The following VPS8 variants were observed in gnomAD, a reference collection of about 807,000 sequenced individuals.
VPS8 encodes the protein VPS8 subunit of CORVET complex.
Under a neutral mutation model 216.4 loss-of-function variants are expected in VPS8, and 129 were observed. The ratio of observed to expected loss-of-function variants is 0.60; its 90% CI spans 0.52 to 0.69. VPS8 has a LOEUF of 0.69. Among genes scored for constraint, VPS8 ranks in the 30% least tolerant of loss-of-function variants. VPS8 has a pLI of 0.00. For missense variants in VPS8, 1,531 were observed against 1,683.5 expected (o/e 0.91, Z 1.59); for synonymous variants, 571 against 565.4 (o/e 1.01, Z -0.14).
chr3:184,962,724 A>AGTGT (rs10562348), intron 37 of VPS8, among the ~76,000 whole-genome samples: 2,505 of 145,828 alleles, frequency 0.017, 62 homozygotes, highest in African/African-American at 0.061. Flanking sequence ...TTAAGGCTTA[A>AGTGT]GTGTGTGTGT....
intron 37 of VPS8, among the ~76,000 whole-genome samples, chr3:184,958,601 A>G (rs1419702827): frequency 1.3e-5 from 2 of 152,220 alleles, no homozygotes; most frequent in African/African-American, 2.4e-5. Flanking sequence ...TGATTCCTCC[A>G]AAGTTAATAT....
At chr3:184,908,017 C>T (rs1243173468) in intron 25 of VPS8, among the ~76,000 whole-genome samples, 3 of 152,276 alleles carry the variant, frequency 2.0e-5, no homozygotes, top group Middle Eastern at 3.4e-3. Flanking sequence ...GCAGATCTCC[C>T]GTTCTCCAGT....
chr3:184,917,550 C>G (rs147693886), intron 28 of VPS8, among the ~76,000 whole-genome samples: 1,534 of 152,230 alleles, frequency 0.01, 27 homozygotes, highest in African/African-American at 0.031. Flanking sequence ...CTGCCTCAGC[C>G]TCCCCAGTAG....
chr3:184,941,172 GT>G (rs1742616457), intron 36 of VPS8, among the ~76,000 whole-genome samples: 1 of 150,086 alleles, frequency 6.7e-6, no homozygotes, highest in African/African-American at 2.4e-5. Flanking sequence ...TTATTTCCGT[GT>G]TCTGTGAGAT....
intron 28 of VPS8, among the ~76,000 whole-genome samples, chr3:184,917,209 C>T (rs933968291): frequency 2.6e-5 from 4 of 152,058 alleles, no homozygotes; most frequent in African/African-American, 9.7e-5. Flanking sequence ...TAGGAAAAAA[C>T]ATTGTAGGCA....
At chr3:184,889,776 C>G (rs1331085320) in intron 22 of VPS8, among the ~76,000 whole-genome samples, 1 of 152,094 alleles carries the variant, frequency 6.6e-6, no homozygotes, top group African/African-American at 2.4e-5. Context: ...CTGTGTTGTG[C>G]TTGTTTGCTT....
chr3:184,904,181 T>C (rs1012152808), intron 25 of VPS8, among the ~76,000 whole-genome samples: 4 of 152,192 alleles, frequency 2.6e-5, no homozygotes. Flanking sequence ...CAAATAAAAA[T>C]AATTATAATT....
chr3:184,849,581 T>A (rs2108649432), intron 9 of VPS8: 1 of 267,132 alleles, frequency 3.7e-6, no homozygotes, highest in Admixed American at 5.1e-5. Flanking sequence ...AGATTATGGT[T>A]TTTTTATCTT....
chr3:185,014,424 G>A (rs1453479656), intron 45 of VPS8, among the ~76,000 whole-genome samples: 1 of 152,146 alleles, frequency 6.6e-6, no homozygotes, highest in Non-Finnish European at 1.5e-5. Flanking sequence ...TAAGGTTTCA[G>A]GTGTCTTGAT....
At chr3:184,941,447 T>A (rs1742681538) in intron 36 of VPS8, among the ~76,000 whole-genome samples, 1 of 151,074 alleles carries the variant, frequency 6.6e-6, no homozygotes, top group Admixed American at 6.6e-5. Flanking sequence ...TAAATTCCTA[T>A]TAATCATGTG....
intron 24 of VPS8, 32 bp downstream of exon 24, chr3:184,898,686 A>G (rs375065725): frequency 8.8e-6 from 13 of 1,475,626 alleles, no homozygotes; most frequent in East Asian, 2.5e-5. Flanking sequence ...ATACGTAATT[A>G]ATTTTGTCTA....
chr3:184,929,659 C>T lies in VPS8; in HGVS notation c.2794C>T (p.Arg932Ter), dbSNP rs1740342140. Residue 932 changes from arginine (R) to a stop codon, truncating the protein, a stop_gained, in exon 33 of 48, where the codon CGA becomes TGA. Transcript: ENST00000625842. LOFTEE classifies it high-confidence loss of function. ...IIDCYLRDPL[R>*]EEEVFNYIHN... ...TGATTGCTACTTACGTGACCCTCTGCGAGAGGTGAGTCAAGATACTGCTTT... is the reference window on the plus strand; with the variant it reads ...TGATTGCTACTTACGTGACCCTCTGTGAGAGGTGAGTCAAGATACTGCTTT... The T allele has an allele frequency of 7.3e-6, 11 of 1,502,226 alleles. No homozygotes were observed. Among genetic ancestry groups the T allele is most frequent in the East Asian group, 2.6e-5 (1 of 38,976 alleles). 93.1% of individuals were successfully genotyped at this position (1,502,226 alleles called of 1,614,324 possible). A position where few individuals can be genotyped will look rare whatever the true frequency, so the allele number is the denominator to read the frequency against.
intron 46 of VPS8, among the ~76,000 whole-genome samples, chr3:185,040,350 G>A (rs1759469034): frequency 6.6e-6 from 1 of 152,112 alleles, no homozygotes; most frequent in South Asian, 2.1e-4. Context: ...TCCATCTTTG[G>A]AAGCTCTAAC....
chr3:184,869,031 T>C lies in VPS8; in HGVS notation c.1592T>C (p.Val531Ala). The C allele has an allele frequency of 1.2e-6, 2 of 1,604,428 alleles. No individual in the cohort carries two copies. Among genetic ancestry groups the C allele is most frequent in the Non-Finnish European group, 8.5e-7 (1 of 1,175,460 alleles). The change falls in exon 19 of 48, where the codon GTA (valine) becomes GCA (alanine). Residue 531 changes from valine (V) to alanine (A), a missense_variant. Coordinates refer to ENST00000625842, the MANE Select transcript of VPS8 (RefSeq NM_001009921.3). ...TTCCATGAAGGAAAAGCAAAAGCAG[T>C]AGTGGGTGAGTAGGCAGAATTCCAG... ...WSFHEGKAKA[V>A]VGLSGDASKR... is the part of the protein sequence containing the mutation.
chr3:184,855,587 A>T (rs1203692447), intron 13 of VPS8, 124 bp from the exon 14 acceptor site: 1 of 781,360 alleles, frequency 1.3e-6, no homozygotes, highest in South Asian at 1.6e-5. Flanking sequence ...TTCTTGCTTT[A>T]CTGAGAAATT....
chr3:184,961,826 G>T lies in VPS8; in HGVS notation c.3184-2642G>T, dbSNP rs553521305. 2.6e-5 allele frequency among the ~76,000 whole-genome samples: 4 copies of T among 151,440 alleles called. No individual in the cohort carries two copies. In the East Asian group the frequency reaches 7.8e-4, roughly 29 times the overall value. ...CTGTCACCCAGGCTGGAGTGCAGTG[G>T]CATGATCTCGGCTCACTGCAACCTC... On this transcript the variant is annotated intron_variant, in intron 37 of 47. Transcript: ENST00000625842.
Position 184,863,043 on chromosome 3 carries a change from T to C in VPS8, c.1371T>C (p.Thr457=). The change falls in exon 16 of 48, where the codon ACT becomes ACC. Residue 457 remains threonine, a synonymous_variant. Transcript: ENST00000625842. ...GCAGCCATTTCAAATCACTAGCCACTGGAGGAAATGTTAGCCAGGCACTGG... is the reference window on the plus strand; with the variant it reads ...GCAGCCATTTCAAATCACTAGCCACCGGAGGAAATGTTAGCCAGGCACTGG... ...YNSSHFKSLA[T]GGNVSQALAL... 1 of 1,613,886 alleles carries C rather than the reference T, an allele frequency of 6.2e-7. No homozygotes were observed. The highest frequency in any genetic ancestry group is 1.1e-5 in the South Asian group (1 of 91,070).
chr3:184,963,384 C>T (rs1680539195), intron 37 of VPS8, among the ~76,000 whole-genome samples: 2 of 152,042 alleles, frequency 1.3e-5, no homozygotes, highest in African/African-American at 4.8e-5. Context: ...ATATAAGGTT[C>T]CTGCACATAT....
chr3:184,998,901 A>C (rs1753008565), intron 44 of VPS8, among the ~76,000 whole-genome samples: 1 of 150,670 alleles, frequency 6.6e-6, no homozygotes, highest in South Asian at 2.2e-4. Flanking sequence ...TTTCTTTTTG[A>C]GATGGAGTCT....
Sources: allele counts gnomAD v4.1 joint callset (sites outside exome capture counted in the v4.1 genomes callset), GRCh38; gene constraint gnomAD v4.1.1; transcripts MANE v1.5; gene names NCBI Gene and HGNC (gene_info 2026-07-23, HGNC 2026-07-21).